ARMH4: variants seen among roughly 807,000 people sequenced by gnomAD.
ARMH4 encodes the protein armadillo like helical domain containing 4, also known as armadillo-like helical domain-containing protein 4.
In ARMH4, 49 loss-of-function variants were observed where a neutral mutation model predicts 61.9. The observed-to-expected ratio is 0.79, with a 90% CI of 0.63 to 1.00. The LOEUF is 1.00. Among genes scored for constraint, ARMH4 ranks in the 50% least tolerant of loss-of-function variants. The pLI is 0.00. For synonymous variants in ARMH4, 368 were observed against 341.5 expected (o/e 1.08, Z -0.85); for missense variants, 934 against 930.0 (o/e 1.00, Z -0.06).
chr14:58,089,492 C>G (rs1469243911), intron 5 of ARMH4, among the ~76,000 whole-genome samples: 1 of 152,194 alleles, frequency 6.6e-6, no homozygotes, highest in Admixed American at 6.5e-5. Flanking sequence ...CACACTTAGG[C>G]TGCAATGCAT....
intron 4 of ARMH4, among the ~76,000 whole-genome samples, chr14:58,118,843 G>A (rs1172610066): frequency 1.3e-5 from 2 of 152,166 alleles, no homozygotes; most frequent in African/African-American, 4.8e-5. Flanking sequence ...GTGAAAGGAT[G>A]TACATCTCTT....
intron 1 of ARMH4, among the ~76,000 whole-genome samples, 164 bp downstream of exon 1, chr14:58,151,911 G>A (rs761345771): frequency 4.6e-5 from 7 of 152,166 alleles, no homozygotes; most frequent in East Asian, 1.9e-4. Flanking sequence ...GCGCTCCGGA[G>A]GAGGATCGGG....
chr14:58,147,418 G>A (rs770672765), intron 1 of ARMH4, among the ~76,000 whole-genome samples: 30 of 151,244 alleles, frequency 2.0e-4, no homozygotes, highest in Non-Finnish European at 3.5e-4. Flanking sequence ...AGGTTCAAGC[G>A]ATTATCCTGC....
chr14:58,101,885 C>A (rs113652834), intron 4 of ARMH4, among the ~76,000 whole-genome samples: 9 of 152,094 alleles, frequency 5.9e-5, no homozygotes, highest in African/African-American at 1.7e-4. Context: ...GAAGTCTGTT[C>A]TTTAATTTCA....
intron 4 of ARMH4, among the ~76,000 whole-genome samples, chr14:58,112,101 C>T (rs1164900489): frequency 1.7e-4 from 26 of 152,150 alleles, no homozygotes. Context: ...AATACAATCA[C>T]ATTAGTGATT....
At chr14:58,108,649 G>A (rs1183448710) in intron 4 of ARMH4, among the ~76,000 whole-genome samples, 3 of 152,212 alleles carry the variant, frequency 2.0e-5, no homozygotes, top group African/African-American at 2.4e-5. Context: ...GGAAGATTTC[G>A]GGTATTTGGT....
rs61745856 is a variant in ARMH4 at position 58,138,093 on chromosome 14, C to T, written c.1266G>A (p.Thr422=). Residue 422 remains threonine, a synonymous_variant, in exon 2 of 8, where the codon ACG becomes ACA. Coordinates refer to ENST00000267485, the MANE Select transcript of ARMH4 (RefSeq NM_001001872.4). The part of the protein sequence containing the change: ...VNLLQSTGDF[T]ESTKENDALF... ...GGGCATCGTTTTCCTTGGTGGATTC[C>T]GTGAAGTCTCCCGTACTTTGGAGCA... 2,128 of 1,614,144 alleles carry T rather than the reference C, an allele frequency of 1.3e-3. 3 individuals carry two copies. Among genetic ancestry groups the T allele is most frequent in the Middle Eastern group, 9.7e-3 (59 of 6,062 alleles).
In ARMH4 at chr14:58,138,357, T is replaced by A; in HGVS notation, c.1002A>T (p.Glu334Asp). ...ACATCTCCGTTCTCACCTGAGTCTC[T>A]TCATTGTCTCCAAGCTTGGGGGTCC... ...RIRTPKLGDN[E>D]ETQVRTEMSQ... is the part of the protein sequence containing the mutation. Residue 334 changes from glutamate to aspartate, a missense_variant, in exon 2 of 8, where the codon GAA becomes GAT. Physicochemically the swap from Glu to Asp is conservative, Grantham distance 45 (BLOSUM62 2). Transcript: ENST00000267485. 2 of 1,614,192 alleles carry A rather than the reference T, an allele frequency of 1.2e-6. No homozygotes were observed. Among genetic ancestry groups the A allele is most frequent in the Non-Finnish European group, 1.7e-6 (2 of 1,180,036 alleles).
intron 6 of ARMH4, among the ~76,000 whole-genome samples, chr14:58,010,709 AT>A (rs1486028731): frequency 1.3e-5 from 2 of 152,186 alleles, no homozygotes; most frequent in African/African-American, 2.4e-5. Context: ...GAATAAAAAA[AT>A]ATAGCCTTTC....
At chr14:58,151,866 C>T (rs753564196) in intron 1 of ARMH4, among the ~76,000 whole-genome samples, 15 of 152,222 alleles carry the variant, frequency 9.9e-5, no homozygotes, top group African/African-American at 3.6e-4. Flanking sequence ...CCAGCGCGCC[C>T]AGAGCTGCCC....
chr14:58,022,900 T>C (rs1955638), intron 5 of ARMH4, among the ~76,000 whole-genome samples: 88,061 of 152,168 alleles, frequency 0.58, 25,619 homozygotes, highest in East Asian at 0.68. Context: ...TTTTGGTTTC[T>C]CAGTGTCTGT....
chr14:58,046,827 A>G lies in ARMH4; in HGVS notation c.2090-34677T>C, dbSNP rs577888912. 5.9e-5 allele frequency among the ~76,000 whole-genome samples: 9 copies of G among 152,310 alleles called. No individual in the cohort carries two copies. In the East Asian group the frequency reaches 1.2e-3, roughly 20 times the overall value. The stretch of plus-strand genomic sequence containing the variant: ...TCTTATGGCCCTCCAGTGCTAACAA[A>G]TTATTTTTATTATAATGTTACTTAA... On this transcript the variant is annotated intron_variant, in intron 5 of 7. Coordinates refer to ENST00000267485, the MANE Select transcript of ARMH4 (RefSeq NM_001001872.4).
rs1335446953 is a variant in ARMH4, at chr14:58,092,219, A to T, written c.2089+4505T>A. Among the ~76,000 whole-genome samples the T allele has an allele frequency of 3.9e-5, 6 of 152,122 alleles. No homozygotes were observed. In the East Asian group the frequency reaches 9.6e-4, roughly 24 times the overall value. ...TGTAAAAATGGAGGTGATAACCTAT[A>T]AATAAAACAACCCCATTTAAAAATA... On this transcript the variant is annotated intron_variant, in intron 5 of 7. Coordinates refer to ENST00000267485, the MANE Select transcript of ARMH4 (RefSeq NM_001001872.4).
chr14:58,080,278 C>T (rs544453532), intron 5 of ARMH4, among the ~76,000 whole-genome samples: 6 of 152,058 alleles, frequency 3.9e-5, no homozygotes, highest in South Asian at 2.1e-4. Context: ...TACAGGCATG[C>T]GCCACCACAC....
rs534493983 is a variant in ARMH4 at position 58,003,075 on chromosome 14, G to A, written c.*1661C>T. ...TGAGATGGGGAAGGAAAGAACTTGT[G>A]TGTGAGTAAGAGAGAAATTAGAAAG... On this transcript the variant is annotated 3_prime_UTR_variant, in exon 8 of 8. Coordinates refer to ENST00000267485, the MANE Select transcript of ARMH4 (RefSeq NM_001001872.4). 1.1e-4 allele frequency: 16 copies of A among 152,308 alleles called. No homozygotes were observed. The highest frequency in any genetic ancestry group is 3.6e-4 in the African/African-American group (15 of 41,574). 9.4% of individuals were successfully genotyped at this position (152,308 alleles called of 1,614,324 possible).
intron 5 of ARMH4, among the ~76,000 whole-genome samples, chr14:58,028,071 C>T (rs1228669031): frequency 6.6e-6 from 1 of 152,154 alleles, no homozygotes; most frequent in African/African-American, 2.4e-5. Context: ...AACTGTTCAA[C>T]TATATATGAA....
intron 5 of ARMH4, among the ~76,000 whole-genome samples, chr14:58,089,694 C>T (rs777239221): frequency 2.6e-5 from 4 of 152,178 alleles, no homozygotes; most frequent in Non-Finnish European, 5.9e-5. Context: ...CGTATCAATG[C>T]AAAGGAAGGC....
At chr14:58,097,701 TA>T (rs1421881727) in intron 4 of ARMH4, among the ~76,000 whole-genome samples, 16 of 149,326 alleles carry the variant, frequency 1.1e-4, no homozygotes, top group African/African-American at 2.9e-4. Context: ...TTTTATTTTT[TA>T]TTTATTTATT....
intron 5 of ARMH4, among the ~76,000 whole-genome samples, chr14:58,014,989 G>A (rs1413212101): frequency 6.6e-6 from 1 of 152,218 alleles, no homozygotes; most frequent in Non-Finnish European, 1.5e-5. Context: ...AGATGGTGCA[G>A]AATAGGGATA....
Sources: gnomAD v4.1 joint callset for allele counts (sites outside exome capture counted in the v4.1 genomes callset) on GRCh38, gnomAD v4.1.1 for gene constraint, MANE v1.5 for transcripts, NCBI Gene and HGNC (gene_info 2026-07-23, HGNC 2026-07-21) for gene names.